The following RAPGEF5 variants were observed in gnomAD, a reference collection of about 807,000 sequenced individuals.
RAPGEF5 encodes M-Ras-regulated GEF.
RAPGEF5 carries 65 observed loss-of-function variants against 125.2 expected under a neutral mutation model. That is an observed-to-expected ratio of 0.52 (90% CI 0.43 to 0.64). The LOEUF is 0.64. Ranked by LOEUF, RAPGEF5 falls within the 30% of genes least tolerant of loss-of-function variation. The probability of loss-of-function intolerance (pLI) is 0.00; values close to 1 mark genes in which losing one functional copy is unlikely to be tolerated. For missense variants in RAPGEF5, 958 were observed against 1,048.1 expected (o/e 0.91, Z 1.19); for synonymous variants, 391 against 385.9 (o/e 1.01, Z -0.16).
intron 9 of RAPGEF5, among the ~76,000 whole-genome samples, chr7:22,214,724 T>C (rs879785407): frequency 3.4e-5 from 5 of 149,126 alleles, no homozygotes; most frequent in Non-Finnish European, 7.4e-5. Context: ...TCTTTCTGTC[T>C]CTGTCCTCCA....
At chr7:22,210,644 C>G (rs1341501412) in intron 9 of RAPGEF5, among the ~76,000 whole-genome samples, 1 of 152,162 alleles carries the variant, frequency 6.6e-6, no homozygotes. Context: ...TAATCCTTTA[C>G]TCTGACTCAC....
At chr7:22,156,686 T>A (rs1397304462) in intron 16 of RAPGEF5, 124 bp downstream of exon 16, 5 of 1,472,592 alleles carry the variant, frequency 3.4e-6, no homozygotes, top group Non-Finnish European at 4.6e-6. Context: ...TGTTTGAGGC[T>A]AACGTGCTTA....
At chr7:22,160,355 A>G (rs1290868570) in intron 14 of RAPGEF5, among the ~76,000 whole-genome samples, 163 bp downstream of exon 14, 1 of 152,250 alleles carries the variant, frequency 6.6e-6, no homozygotes, top group African/African-American at 2.4e-5. Context: ...ATTTTGAGTT[A>G]TAAGAACAAA....
At chr7:22,193,884 C>T (rs769826413) in intron 10 of RAPGEF5, 31 bp downstream of exon 10, 11 of 1,612,346 alleles carry the variant, frequency 6.8e-6, no homozygotes, top group Non-Finnish European at 8.5e-6. Context: ...AACGGGAGCG[C>T]GTGCCTCTGT....
intron 7 of RAPGEF5, among the ~76,000 whole-genome samples, chr7:22,251,658 AG>A (rs774101155): frequency 8.9e-4 from 135 of 152,010 alleles, no homozygotes; most frequent in Middle Eastern, 6.8e-3. Context: ...TCACTAACCC[AG>A]CAGGGTGAGA....
At chr7:22,353,867 G>C (rs868706552) in intron 1 of RAPGEF5, among the ~76,000 whole-genome samples, 2 of 152,024 alleles carry the variant, frequency 1.3e-5, no homozygotes, top group African/African-American at 4.8e-5. Context: ...CCTAGTAACA[G>C]ATAGCCTACA....
intron 9 of RAPGEF5, among the ~76,000 whole-genome samples, chr7:22,213,456 A>G (rs1420592604): frequency 6.6e-6 from 1 of 152,226 alleles, no homozygotes; most frequent in Non-Finnish European, 1.5e-5. Context: ...TTGAATGGTT[A>G]ACTGTTTTCC....
chr7:22,169,859 C>CCAAAAAAAAAAAAA (rs553302336), intron 11 of RAPGEF5, among the ~76,000 whole-genome samples: 14 of 25,946 alleles, frequency 5.4e-4, no homozygotes, highest in African/African-American at 2.4e-3. Context: ...GACTCTGTGT[C>CCAAAAAAAAAAAAA]AAAAAAAAAA....
At chr7:22,263,493 A>G (rs1782206900) in intron 7 of RAPGEF5, among the ~76,000 whole-genome samples, 1 of 152,048 alleles carries the variant, frequency 6.6e-6, no homozygotes, top group Non-Finnish European at 1.5e-5. Context: ...AGTTTGGGAG[A>G]CAGAGACGGG....
chr7:22,251,174 C>T (rs1356696250), intron 7 of RAPGEF5, among the ~76,000 whole-genome samples: 1 of 152,138 alleles, frequency 6.6e-6, no homozygotes, highest in African/African-American at 2.4e-5. Flanking sequence ...TATTTTAAAA[C>T]ATCTACAGAT....
chr7:22,153,302 C>T (rs1783689950), intron 17 of RAPGEF5, among the ~76,000 whole-genome samples: 1 of 152,076 alleles, frequency 6.6e-6, no homozygotes, highest in Non-Finnish European at 1.5e-5. Flanking sequence ...TATTTTTGGT[C>T]ACTTGAAAAT....
chr7:22,139,761 T>C, intron 21 of RAPGEF5: 1 of 346,420 alleles, frequency 2.9e-6, no homozygotes, highest in Non-Finnish European at 5.5e-6. Flanking sequence ...GCGGGGAGAC[T>C]GTGGGGACCA....
At chr7:22,164,971 T>C (rs1368362926) in intron 12 of RAPGEF5, among the ~76,000 whole-genome samples, 4 of 152,340 alleles carry the variant, frequency 2.6e-5, no homozygotes, top group African/African-American at 9.6e-5. Context: ...ACGTTGGTTG[T>C]AGTGGAATAT....
Position 22,298,010 on chromosome 7 carries a change from A to C in RAPGEF5, c.681-6769T>G, listed in dbSNP as rs560216644. 2.0e-5 allele frequency among the ~76,000 whole-genome samples: 3 copies of C among 152,176 alleles called. No homozygotes were observed. The East Asian group carries it at 5.8e-4, about 29-fold the overall frequency. ...TCTGCATCTATAAAATTTATCATATAATTTGTCTATTTTTAGCTTGTGAAT... is the reference window on the plus strand; with the variant it reads ...TCTGCATCTATAAAATTTATCATATCATTTGTCTATTTTTAGCTTGTGAAT... On this transcript the variant is annotated intron_variant, in intron 5 of 25. Coordinates refer to ENST00000665637, the MANE Select transcript of RAPGEF5 (RefSeq NM_012294.5).
intron 5 of RAPGEF5, among the ~76,000 whole-genome samples, chr7:22,299,300 T>C (rs1486105689): frequency 6.6e-6 from 1 of 152,172 alleles, no homozygotes; most frequent in Non-Finnish European, 1.5e-5. Flanking sequence ...TAAATATTCC[T>C]TATTTCCTTT....
chr7:22,193,768 A>T (rs1375632891), intron 10 of RAPGEF5, 147 bp downstream of exon 10: 1 of 1,580,602 alleles, frequency 6.3e-7, no homozygotes, highest in Non-Finnish European at 8.6e-7. Flanking sequence ...CTCTGCAGTC[A>T]GCTAGAACGC....
At chr7:22,297,484 T>C (rs1783089097) in intron 5 of RAPGEF5, among the ~76,000 whole-genome samples, 1 of 152,132 alleles carries the variant, frequency 6.6e-6, no homozygotes, top group Non-Finnish European at 1.5e-5. Flanking sequence ...AGACTGAATA[T>C]ACCAAGAAAT....
At chr7:22,125,349 T>G in intron 25 of RAPGEF5, 1 of 373,792 alleles carries the variant, frequency 2.7e-6, no homozygotes, top group Admixed American at 4.1e-5. Context: ...GGTTTCTGAG[T>G]GTGTAAAGTC....
At position 22,136,941 on chromosome 7, in the gene RAPGEF5, T is replaced by C; in HGVS notation, c.2320A>G (p.Ser774Gly). The C allele has an allele frequency of 6.3e-7, 1 of 1,585,084 alleles. No homozygotes were observed. Among genetic ancestry groups the C allele is most frequent in the Non-Finnish European group, 8.6e-7 (1 of 1,160,454 alleles). The change falls in exon 22 of 26, where the codon AGT becomes GGT. Residue 774 changes from serine (S) to glycine (G), a missense_variant. By Grantham distance (56) the Ser-to-Gly change is moderately conservative (BLOSUM62 0). Transcript: ENST00000665637. ...TTGGCTCAACTACTTACTGTTAAACTTTCAAGTTCAGAGAAAAGTTTCTTA... is the reference window on the plus strand; with the variant it reads ...TTGGCTCAACTACTTACTGTTAAACCTTCAAGTTCAGAGAAAAGTTTCTTA... ...KFKKLFSELE[S>G]LTDPSLNHKA...
Sources: allele counts gnomAD v4.1 joint callset (sites outside exome capture counted in the v4.1 genomes callset), GRCh38; gene constraint gnomAD v4.1.1; transcripts MANE v1.5; gene names NCBI Gene and HGNC (gene_info 2026-07-23, HGNC 2026-07-21).